Variants in WDPCP observed in about 807,000 individuals in gnomAD.
The protein encoded by WDPCP is WD repeat-containing and planar cell polarity effector protein fritz homolog.
A neutral mutation model predicts 93.1 loss-of-function variants in WDPCP; 71 were observed. The ratio of observed to expected loss-of-function variants is 0.76; its 90% CI spans 0.63 to 0.93. The LOEUF is 0.93. Among genes scored for constraint, WDPCP ranks in the 40% least tolerant of loss-of-function variants. WDPCP has a pLI of 0.00. For missense variants in WDPCP, 844 were observed against 887.4 expected (o/e 0.95, Z 0.62); for synonymous variants, 315 against 315.0 (o/e 1.00, Z 0.00).
intron 2 of WDPCP, among the ~76,000 whole-genome samples, chr2:63,805,703 T>C (rs1357524098): frequency 1.3e-5 from 2 of 152,210 alleles, no homozygotes; most frequent in Non-Finnish European, 2.9e-5. Context: ...GGAATTCTGA[T>C]GAATAAAATC....
chr2:63,531,972 T>C (rs962756234), intron 1 of WDPCP, among the ~76,000 whole-genome samples: 1 of 151,968 alleles, frequency 6.6e-6, no homozygotes, highest in Non-Finnish European at 1.5e-5. Context: ...GAAAAAAAAT[T>C]AGACGAACAG....
At chr2:63,431,101 A>G (rs1314537643) in intron 9 of WDPCP, among the ~76,000 whole-genome samples, 1 of 152,178 alleles carries the variant, frequency 6.6e-6, no homozygotes, top group Non-Finnish European at 1.5e-5. Context: ...CATTTGGTTC[A>G]GTATGTGGGC....
intron 2 of WDPCP, among the ~76,000 whole-genome samples, chr2:63,787,743 A>C (rs1670490199): frequency 6.6e-6 from 1 of 152,196 alleles, no homozygotes; most frequent in African/African-American, 2.4e-5. Context: ...AATTTGATTG[A>C]TAAAATTGAG....
At chr2:63,548,512 G>C (rs1217809180) in intron 1 of WDPCP, among the ~76,000 whole-genome samples, 1 of 151,968 alleles carries the variant, frequency 6.6e-6, no homozygotes, top group Non-Finnish European at 1.5e-5. Flanking sequence ...TAACAAATCT[G>C]TCACAATTGG....
intron 2 of WDPCP, among the ~76,000 whole-genome samples, chr2:63,794,664 T>C (rs1670590404): frequency 6.6e-6 from 1 of 152,228 alleles, no homozygotes; most frequent in Non-Finnish European, 1.5e-5. Context: ...AGGCCTATTC[T>C]ACCTCTAGAC....
rs747829340 is a variant in WDPCP, at chr2:63,615,084, C to T, written n.488+35575G>A. Among the ~76,000 whole-genome samples the T allele has an allele frequency of 3.9e-5, 6 of 152,158 alleles. No homozygotes were observed. The East Asian group carries it at 7.7e-4, about 20-fold the overall frequency. On this transcript the variant is annotated intron_variant and non_coding_transcript_variant, in intron 3 of 4. Coordinates refer to the WDPCP transcript ENST00000467687. ...CTAGGCAGACAGGGCAAAGAGTTCT[C>T]GGCAGAACTTCCCTTCTAACAAAAA...
chr2:63,142,817 GGTGTGTGT>G lies in WDPCP; in HGVS notation c.2190+10089_2190+10096del, dbSNP rs143419326. On this transcript the variant is annotated intron_variant, in intron 17 of 17. Coordinates refer to ENST00000272321, the MANE Select transcript of WDPCP (RefSeq NM_015910.7). ...TAAATTTGGGAGCTGCAGTGTTAGGGGTGTGTGTGTGTGTGTGTGTGTGTGTGTGTGTA... is the reference window on the plus strand; with the variant it reads ...TAAATTTGGGAGCTGCAGTGTTAGGGGTGTGTGTGTGTGTGTGTGTGTGTA... Among the ~76,000 whole-genome samples, 308 of 146,466 alleles carry G rather than the reference GGTGTGTGT, an allele frequency of 2.1e-3. 3 individuals carry two copies. Among genetic ancestry groups the G allele is most frequent in the African/African-American group, 5.7e-3 (226 of 39,688 alleles).
At chr2:63,540,125 C>CA (rs1215644250) in intron 1 of WDPCP, among the ~76,000 whole-genome samples, 1 of 152,058 alleles carries the variant, frequency 6.6e-6, no homozygotes, top group Non-Finnish European at 1.5e-5. Flanking sequence ...ATATTCAAGA[C>CA]AAAAACAAGT....
chr2:63,279,851 C>T (rs1336874532), intron 13 of WDPCP, among the ~76,000 whole-genome samples: 2 of 151,912 alleles, frequency 1.3e-5, no homozygotes, highest in African/African-American at 2.4e-5. Flanking sequence ...AACTCAACCC[C>T]TTTTACAACA....
chr2:63,228,391 T>C lies in WDPCP; in HGVS notation c.1915+30916A>G, dbSNP rs59842836. On this transcript the variant is annotated intron_variant, in intron 14 of 17. Coordinates refer to ENST00000272321, the MANE Select transcript of WDPCP (RefSeq NM_015910.7). The stretch of plus-strand genomic sequence containing the variant: ...TATTTTGTTCTTTTTCTTTTTCTTT[T>C]TTTTTTTTTTTTTTGAATTTTTTGA... 514 of 110,060 alleles carry C rather than the reference T, an allele frequency of 4.7e-3. 3 individuals carry two copies. Among genetic ancestry groups the C allele is most frequent in the African/African-American group, 0.013 (478 of 36,580 alleles). The allele number at this position is 110,060 out of a possible 1,614,324, so 6.8% of individuals were successfully genotyped here. A position where few individuals can be genotyped will look rare whatever the true frequency, so the allele number is the denominator to read the frequency against.
chr2:63,205,534 T>A (rs879289283), intron 14 of WDPCP, among the ~76,000 whole-genome samples: 2 of 152,222 alleles, frequency 1.3e-5, no homozygotes, highest in Non-Finnish European at 2.9e-5. Context: ...ATTATACAGA[T>A]CTTTCACTTC....
chr2:63,704,418 A>G (rs972788866), intron 2 of WDPCP, among the ~76,000 whole-genome samples: 1 of 152,168 alleles, frequency 6.6e-6, no homozygotes, highest in African/African-American at 2.4e-5. Context: ...CCCATTCAGT[A>G]TGATATTGGC....
intron 1 of WDPCP, among the ~76,000 whole-genome samples, chr2:63,821,442 T>G (rs569931913): frequency 3.9e-5 from 6 of 152,314 alleles, no homozygotes; most frequent in African/African-American, 1.4e-4. Flanking sequence ...TGTGTTCCTT[T>G]GAGTGTAGTA....
At chr2:63,643,743 CA>C in intron 3 of WDPCP, 1 of 523,722 alleles carries the variant, frequency 1.9e-6, no homozygotes, top group Non-Finnish European at 3.9e-6. Flanking sequence ...TGTCATAGAT[CA>C]GACGGACATT....
At chr2:63,839,297 C>T in the WDPCP span, among the ~76,000 whole-genome samples, 2 of 152,166 alleles carry the variant, frequency 1.3e-5, no homozygotes, top group Non-Finnish European at 2.9e-5. Flanking sequence ...CGGTGGCTCA[C>T]GCCTGTAATC....
chr2:63,153,697 T>A (rs1188579628), intron 15 of WDPCP, 123 bp from the exon 16 acceptor site: 3 of 593,804 alleles, frequency 5.1e-6, no homozygotes, highest in Non-Finnish European at 5.4e-6. Context: ...AAAATGTAAT[T>A]AAAAAATTTC....
chr2:63,681,556 T>C (rs1277571691), intron 2 of WDPCP, among the ~76,000 whole-genome samples: 2 of 152,138 alleles, frequency 1.3e-5, no homozygotes, highest in African/African-American at 4.8e-5. Context: ...TCTAAGGTTT[T>C]TGTCTCTAGT....
chr2:63,137,426 A>G (rs1005085381), intron 17 of WDPCP, among the ~76,000 whole-genome samples: 1 of 152,038 alleles, frequency 6.6e-6, no homozygotes, highest in South Asian at 2.1e-4. Flanking sequence ...TTCTTCTTGT[A>G]TATTAAGTTC....
At chr2:63,155,174 G>A (rs1233176751) in intron 15 of WDPCP, among the ~76,000 whole-genome samples, 1 of 152,050 alleles carries the variant, frequency 6.6e-6, no homozygotes, top group African/African-American at 2.4e-5. Flanking sequence ...TCATGCTTTT[G>A]GTGTCTAGTT....
Sources: allele counts gnomAD v4.1 joint callset (sites outside exome capture counted in the v4.1 genomes callset), GRCh38; gene constraint gnomAD v4.1.1; transcripts MANE v1.5; gene names NCBI Gene and HGNC (gene_info 2026-07-23, HGNC 2026-07-21).